Variants in TGFA observed in about 807,000 individuals in gnomAD.
TGFA encodes the protein transforming growth factor alpha, also known as protransforming growth factor alpha.
Under a neutral mutation model 21.7 loss-of-function variants are expected in TGFA, and 12 were observed. That is an observed-to-expected ratio of 0.55 (90% CI 0.35 to 0.90). TGFA has a LOEUF of 0.90. Among genes scored for constraint, TGFA ranks in the 40% least tolerant of loss-of-function variants. TGFA has a pLI of 0.01. For missense variants in TGFA, 178 were observed against 210.8 expected, an observed-to-expected ratio of 0.84 and a Z score of 0.96; for synonymous variants, 79 against 88.1, an observed-to-expected ratio of 0.90 and a Z score of 0.58.
At chr2:70,455,687 G>C (rs1670207098) in intron 4 of TGFA, among the ~76,000 whole-genome samples, 1 of 152,196 alleles carries the variant, frequency 6.6e-6, no homozygotes, top group Admixed American at 6.5e-5. Flanking sequence ...CCAAATGCTA[G>C]GAATATTGCA....
At chr2:70,500,970 C>CAAAAAA in intron 2 of TGFA, among the ~76,000 whole-genome samples, 1 of 143,812 alleles carries the variant, frequency 7.0e-6, no homozygotes, top group Non-Finnish European at 1.5e-5. Context: ...GGGCCATCTC[C>CAAAAAA]AAAAAAAAAA....
Position 70,450,673 on chromosome 2 carries a change from G to GAATAACC in TGFA, c.*179_*185dup. The stretch of plus-strand genomic sequence containing the variant: ...GCTGATTTCTTCTCTAGGTCACACT[G>GAATAACC]AATAACCCCAAGCAGACGGAGTTCT... On this transcript the variant is annotated 3_prime_UTR_variant, in exon 6 of 6. Transcript: ENST00000295400. 1.6e-6 allele frequency: 1 copy of GAATAACC among 632,260 alleles called. No homozygotes were observed. The allele number at this position is 632,260 out of a possible 1,614,324, so 39.2% of individuals were successfully genotyped here. A position where few individuals can be genotyped will look rare whatever the true frequency, so the allele number is the denominator to read the frequency against.
At chr2:70,545,614 T>C (rs1673279525) in intron 1 of TGFA, among the ~76,000 whole-genome samples, 2 of 151,980 alleles carry the variant, frequency 1.3e-5, no homozygotes, top group South Asian at 4.1e-4. Flanking sequence ...ATAGATAAAA[T>C]ATTTCAACAT....
At chr2:70,474,214 G>C (rs1287184832) in intron 2 of TGFA, among the ~76,000 whole-genome samples, 1 of 152,138 alleles carries the variant, frequency 6.6e-6, no homozygotes, top group African/African-American at 2.4e-5. Flanking sequence ...AGCATTATTA[G>C]TCTCTATTTT....
intron 1 of TGFA, among the ~76,000 whole-genome samples, chr2:70,541,637 T>A (rs1673133223): frequency 6.6e-6 from 1 of 152,178 alleles, no homozygotes; most frequent in African/African-American, 2.4e-5. Context: ...GTTCTATGAA[T>A]GAGAAGAGGC....
chr2:70,535,997 C>T (rs1449493275), intron 1 of TGFA, among the ~76,000 whole-genome samples: 1 of 152,140 alleles, frequency 6.6e-6, no homozygotes, highest in Non-Finnish European at 1.5e-5. Context: ...TTCTCTCTCT[C>T]CACAATTAAA....
chr2:70,507,054 G>T (rs550368729), intron 2 of TGFA, among the ~76,000 whole-genome samples: 1 of 152,260 alleles, frequency 6.6e-6, no homozygotes, highest in Non-Finnish European at 1.5e-5. Flanking sequence ...CAAAGGTCCT[G>T]TGAGTGCTGC....
intron 2 of TGFA, among the ~76,000 whole-genome samples, chr2:70,497,751 G>A (rs575055781): frequency 6.6e-6 from 1 of 152,320 alleles, no homozygotes; most frequent in East Asian, 1.9e-4. Context: ...CCTTGGCCAT[G>A]TCAGCCTGAC....
chr2:70,484,908 C>A (rs1229948787), intron 2 of TGFA, among the ~76,000 whole-genome samples: 2 of 152,248 alleles, frequency 1.3e-5, no homozygotes, highest in Non-Finnish European at 2.9e-5. Context: ...GTATTCGGAA[C>A]AAGATCTGTT....
At chr2:70,502,222 G>A (rs1671758640) in intron 2 of TGFA, among the ~76,000 whole-genome samples, 1 of 152,196 alleles carries the variant, frequency 6.6e-6, no homozygotes, top group Admixed American at 6.5e-5. Context: ...CTCTGCTTTG[G>A]GTGCTGTAAT....
chr2:70,515,481 C>T lies in TGFA; in HGVS notation c.41-569G>A, dbSNP rs11466219. Among the ~76,000 whole-genome samples the T allele has an allele frequency of 9.5e-3, 1,448 of 152,228 alleles. 17 individuals are homozygous for T. Among genetic ancestry groups the T allele is most frequent in the African/African-American group, 0.032 (1,329 of 41,506 alleles). On this transcript the variant is annotated intron_variant, in intron 1 of 5. Transcript: ENST00000295400. ...CTGGGGTTTCCTTCCAGCTGGCAGC[C>T]GGGCCAATGTGCTGTGACCCAGCTG... is the stretch of plus-strand genomic sequence containing the variant.
chr2:70,484,477 T>C (rs1671215213), intron 2 of TGFA, among the ~76,000 whole-genome samples: 1 of 152,216 alleles, frequency 6.6e-6, no homozygotes, highest in Non-Finnish European at 1.5e-5. Flanking sequence ...ATTGAGCCTA[T>C]TTGTTTATTT....
intron 1 of TGFA, among the ~76,000 whole-genome samples, chr2:70,543,105 A>G (rs1011311423): frequency 2.0e-5 from 3 of 152,180 alleles, no homozygotes; most frequent in Non-Finnish European, 4.4e-5. Context: ...CTCCACCTAA[A>G]AAAAATAAAA....
At chr2:70,504,453 T>TATATATATATATATATATAAAAAA in intron 2 of TGFA, among the ~76,000 whole-genome samples, 1 of 75,186 alleles carries the variant, frequency 1.3e-5, no homozygotes, top group East Asian at 4.4e-4. Flanking sequence ...TATATATATA[T>TATATATATATATATATATAAAAAA]ATATATATAT....
At chr2:70,452,472 G>A (rs1432849506) in intron 5 of TGFA, among the ~76,000 whole-genome samples, 2 of 150,234 alleles carry the variant, frequency 1.3e-5, no homozygotes. Context: ...AGGGTTTTAA[G>A]GTCATTAGAG....
intron 1 of TGFA, among the ~76,000 whole-genome samples, chr2:70,516,505 A>G (rs1295203653): frequency 6.6e-6 from 1 of 152,022 alleles, no homozygotes; most frequent in African/African-American, 2.4e-5. Context: ...ACAGAATCCT[A>G]AGCCAGATGT....
intron 2 of TGFA, among the ~76,000 whole-genome samples, chr2:70,510,966 T>C (rs1672079655): frequency 1.3e-5 from 2 of 150,100 alleles, no homozygotes; most frequent in South Asian, 4.3e-4. Context: ...CATAGCAAGA[T>C]CTCATTTCTA....
rs1670004366 is a variant in TGFA, at chr2:70,450,017, C to T, written c.*842G>A. 6.6e-6 allele frequency: 1 copy of T among 152,236 alleles called. No homozygotes were observed. Among genetic ancestry groups the T allele is most frequent in the African/African-American group, 2.4e-5 (1 of 41,438 alleles). 9.4% of individuals were successfully genotyped at this position (152,236 alleles called of 1,614,324 possible). A position where few individuals can be genotyped will look rare whatever the true frequency, so the allele number is the denominator to read the frequency against. Reference sequence around the variant, plus strand: ...ACCGGCTTTGTGGCTTCAATGGCACCATTTCTGAACCCCTACCTTTATTCC... The same window carrying T: ...ACCGGCTTTGTGGCTTCAATGGCACTATTTCTGAACCCCTACCTTTATTCC... On this transcript the variant is annotated 3_prime_UTR_variant, in exon 6 of 6. Coordinates refer to ENST00000295400, the MANE Select transcript of TGFA (RefSeq NM_003236.4).
At chr2:70,469,145 C>T (rs991123049) in intron 2 of TGFA, among the ~76,000 whole-genome samples, 1 of 152,138 alleles carries the variant, frequency 6.6e-6, no homozygotes, top group Non-Finnish European at 1.5e-5. Context: ...TGCAGACAGA[C>T]AGCTTCACAT....
Sources: allele counts gnomAD v4.1 joint callset (sites outside exome capture counted in the v4.1 genomes callset), GRCh38; gene constraint gnomAD v4.1.1; transcripts MANE v1.5; gene names NCBI Gene and HGNC (gene_info 2026-07-23, HGNC 2026-07-21).